The following NLN variants were observed in gnomAD, a reference collection of about 807,000 sequenced individuals.
NLN encodes neurolysin.
Under a neutral mutation model 79.9 loss-of-function variants are expected in NLN, and 64 were observed. That is an observed-to-expected ratio of 0.80 (90% confidence interval 0.65 to 0.99). The LOEUF (loss-of-function observed/expected upper bound fraction) is 0.99, where lower values mean the gene tolerates loss of function less well. NLN is among the 50% of genes least tolerant of loss of function. NLN has a pLI of 0.00. For missense variants in NLN, 835 were observed against 858.7 expected, an observed-to-expected ratio of 0.97 and a Z score of 0.34; for synonymous variants, 267 against 296.6, an observed-to-expected ratio of 0.90 and a Z score of 1.02.
intron 9 of NLN, among the ~76,000 whole-genome samples, chr5:65,799,870 C>T (rs1760246175): frequency 6.6e-6 from 1 of 151,994 alleles, no homozygotes; most frequent in Admixed American, 6.6e-5. Context: ...AAACTATGGC[C>T]TTTTAATCAT....
chr5:65,758,736 G>A lies in NLN; in HGVS notation c.211G>A (p.Val71Met), dbSNP rs1425880808. The A allele has an allele frequency of 1.9e-6, 3 of 1,613,318 alleles. No individual in the cohort carries two copies. The highest frequency in any genetic ancestry group is 8.5e-7 in the Non-Finnish European group (1 of 1,179,456). Reference protein sequence around the residue: ...TEELIVQTKQVYDAVGMLGIE... With the variant: ...TEELIVQTKQMYDAVGMLGIE... ...GGAGCTCATTGTGCAGACCAAACAG[G>A]TGTACGATGCTGTTGGAATGCTCGG... The change falls in exon 2 of 13, where the codon GTG (valine) becomes ATG (methionine). Residue 71 changes from valine (V) to methionine (M), a missense_variant. Coordinates refer to ENST00000380985, the MANE Select transcript of NLN (RefSeq NM_020726.5).
intron 1 of NLN, among the ~76,000 whole-genome samples, chr5:65,736,302 A>G (rs559979480): frequency 1.3e-5 from 2 of 152,344 alleles, no homozygotes; most frequent in South Asian, 4.1e-4. Flanking sequence ...TTGTGTGACT[A>G]TTCCAAAAAT....
intron 7 of NLN, 86 bp downstream of exon 7, chr5:65,785,996 G>A: frequency 8.4e-7 from 1 of 1,196,550 alleles, no homozygotes; most frequent in African/African-American, 1.5e-5. Context: ...TGCCTTTGAG[G>A]ACATCCTACT....
chr5:65,753,016 T>C (rs796472588), intron 1 of NLN, among the ~76,000 whole-genome samples: 5 of 152,352 alleles, frequency 3.3e-5, no homozygotes, highest in African/African-American at 1.2e-4. Context: ...TTTTCACTAG[T>C]TGCCTTGGAA....
At chr5:65,755,186 T>C (rs1759192973) in intron 1 of NLN, among the ~76,000 whole-genome samples, 1 of 152,206 alleles carries the variant, frequency 6.6e-6, no homozygotes, top group South Asian at 2.1e-4. Context: ...AATATCTTAA[T>C]AATGTAATTG....
In NLN at chr5:65,758,690, G is replaced by T; in HGVS notation, c.165G>T (p.Glu55Asp). Residue 55 changes from glutamate to aspartate, a missense_variant, in exon 2 of 13, where the codon GAG (glutamate) becomes GAT (aspartate). Coordinates refer to ENST00000380985, the MANE Select transcript of NLN (RefSeq NM_020726.5). Reference sequence around the variant, plus strand: ...TTTTAAGATGGGATCTTTCACCAGAGCAAATTAAAACAAGAACTGAGGAGC... The same window carrying T: ...TTTTAAGATGGGATCTTTCACCAGATCAAATTAAAACAAGAACTGAGGAGC... ...RNVLRWDLSPEQIKTRTEELI... is the reference protein window; with the variant it reads ...RNVLRWDLSPDQIKTRTEELI... 1.2e-6 allele frequency: 2 copies of T among 1,613,828 alleles called. No homozygotes were observed. The highest frequency in any genetic ancestry group is 1.1e-5 in the South Asian group (1 of 91,078).
At chr5:65,758,477 T>C (rs1759267900) in intron 1 of NLN, 90 bp from the exon 2 acceptor site, 1 of 859,262 alleles carries the variant, frequency 1.2e-6, no homozygotes, top group Non-Finnish European at 1.8e-6. Flanking sequence ...TTCTTTTTAA[T>C]TTAATATTTA....
At chr5:65,802,895 T>TGTCCCACCA (rs1181588496) in intron 9 of NLN, among the ~76,000 whole-genome samples, 2 of 151,792 alleles carry the variant, frequency 1.3e-5, no homozygotes, top group East Asian at 3.9e-4. Context: ...GCAGCTGGTT[T>TGTCCCACCA]GTCCCACCAT....
chr5:65,804,448 AAAC>A (rs1425276061), intron 9 of NLN, among the ~76,000 whole-genome samples: 2 of 152,104 alleles, frequency 1.3e-5, no homozygotes, highest in Non-Finnish European at 2.9e-5. Flanking sequence ...ACCATGCTTT[AAAC>A]AAGTGTGTTA....
chr5:65,810,193 T>C (rs1285146452), intron 11 of NLN, 28 bp downstream of exon 11: 1 of 1,607,372 alleles, frequency 6.2e-7, no homozygotes. Context: ...ATTGAGTTCA[T>C]TTCTCTGTGA....
At position 65,722,402 on chromosome 5, in the gene NLN, G is replaced by T. The variant is rs758631321; in HGVS notation, c.29G>T (p.Arg10Leu). MIARCLLAVRSLRRVGGSRI... is the reference protein window; with the variant it reads MIARCLLAVLSLRRVGGSRI... ...ATCGCCCGGTGCCTTTTGGCTGTGC[G>T]AAGCCTCCGCAGGTACCTCCAGCGC... Residue 10 changes from arginine to leucine, a missense_variant, in exon 1 of 13, where the codon CGA becomes CTA. Transcript: ENST00000380985. 6.3e-7 allele frequency: 1 copy of T among 1,590,834 alleles called. No individual in the cohort carries two copies. The highest frequency in any genetic ancestry group is 1.1e-5 in the South Asian group (1 of 87,394).
At position 65,810,100 on chromosome 5, in the gene NLN, C is replaced by T. The variant is rs756611686; in HGVS notation, c.1778C>T (p.Ser593Leu). The T allele has an allele frequency of 8.1e-6, 13 of 1,613,712 alleles. No homozygotes were observed. Among genetic ancestry groups the T allele is most frequent in the East Asian group, 6.7e-5 (3 of 44,882 alleles). The change falls in exon 11 of 13, where the codon TCG becomes TTG. Residue 593 changes from serine to leucine, a missense_variant. By Grantham distance (145) the Ser-to-Leu change is moderately radical (BLOSUM62 -2). Transcript: ENST00000380985. ...KVDQSLHTNT[S>L]LDAASEYAKY... is the part of the protein sequence containing the mutation. Reference sequence around the variant, plus strand: ...GATCAGTCTCTTCATACCAACACATCGCTGGATGCTGCAAGTGAATATGCC... The same window carrying T: ...GATCAGTCTCTTCATACCAACACATTGCTGGATGCTGCAAGTGAATATGCC...
rs1446440414 is a variant in NLN, at chr5:65,767,224, C to T, written c.450+4116C>T. 3.3e-5 allele frequency among the ~76,000 whole-genome samples: 5 copies of T among 152,202 alleles called. No homozygotes were observed. The South Asian group carries it at 8.3e-4, about 25-fold the overall frequency. ...AGGTTCTCTGTGAGGTCTCTGCCCC[C>T]GCAGCAGACTTCTGCCTGGATATCC... On this transcript the variant is annotated intron_variant, in intron 3 of 12. Transcript: ENST00000380985.
In NLN at chr5:65,824,074, T is replaced by C. The variant is rs1760863655; in HGVS notation, c.*1159T>C. ...GTCTAAATTCCAATTCTGCAGCAGA[T>C]CAGTAAACTCACAGTATTTTTCCTG... On this transcript the variant is annotated 3_prime_UTR_variant, in exon 13 of 13. Transcript: ENST00000380985. 1 of 152,066 alleles carries C rather than the reference T, an allele frequency of 6.6e-6. No homozygotes were observed. 9.4% of individuals were successfully genotyped at this position (152,066 alleles called of 1,614,324 possible).
chr5:65,755,472 A>G (rs754725483), intron 1 of NLN, among the ~76,000 whole-genome samples: 19 of 152,182 alleles, frequency 1.2e-4, no homozygotes, highest in Non-Finnish European at 1.9e-4. Flanking sequence ...AATTGTCACA[A>G]TTCCTTTCCC....
At chr5:65,785,739 AT>A in intron 6 of NLN, 35 bp from the exon 7 acceptor site, 1 of 1,577,504 alleles carries the variant, frequency 6.3e-7, no homozygotes, top group East Asian at 2.2e-5. Flanking sequence ...CAAATTATTG[AT>A]TAGCCTTTAT....
rs1027339257 is a variant in NLN, at chr5:65,829,042, G to A, written c.*6127G>A. On this transcript the variant is annotated 3_prime_UTR_variant, in exon 13 of 13. Coordinates refer to ENST00000380985, the MANE Select transcript of NLN (RefSeq NM_020726.5). The stretch of plus-strand genomic sequence containing the variant: ...AAAGCAAAAGACTGTTAGAGAATGA[G>A]TAAACGTTCGTTTTCCTCCCTACAG... 1 of 152,138 alleles carries A rather than the reference G, an allele frequency of 6.6e-6. No homozygotes were observed. Among genetic ancestry groups the A allele is most frequent in the African/African-American group, 2.4e-5 (1 of 41,406 alleles). The allele number at this position is 152,138 out of a possible 1,614,324, so 9.4% of individuals were successfully genotyped here. A position where few individuals can be genotyped will look rare whatever the true frequency, so the allele number is the denominator to read the frequency against.
intron 9 of NLN, among the ~76,000 whole-genome samples, chr5:65,804,233 A>T (rs1760356544): frequency 6.6e-6 from 1 of 152,206 alleles, no homozygotes; most frequent in Non-Finnish European, 1.5e-5. Context: ...CCTGGTTTCA[A>T]ATTGAAGTTA....
intron 3 of NLN, among the ~76,000 whole-genome samples, chr5:65,772,412 A>C (rs1759587932): frequency 6.6e-6 from 1 of 152,198 alleles, no homozygotes; most frequent in Non-Finnish European, 1.5e-5. Flanking sequence ...CACTTCAGCA[A>C]CCTTACGCTG....
Sources: gnomAD v4.1 joint callset for allele counts (sites outside exome capture counted in the v4.1 genomes callset) on GRCh38, gnomAD v4.1.1 for gene constraint, MANE v1.5 for transcripts, NCBI Gene and HGNC (gene_info 2026-07-23, HGNC 2026-07-21) for gene names.